CHD1L: variants seen among roughly 807,000 people sequenced by gnomAD.
CHD1L encodes the protein chromodomain helicase DNA binding protein 1 like, also known as ATP-dependent chromatin remodeler CHD1L.
CHD1L carries 118 observed loss-of-function variants against 115.9 expected under a neutral mutation model. The observed-to-expected ratio is 1.02, with a 90% confidence interval of 0.88 to 1.19. The LOEUF (loss-of-function observed/expected upper bound fraction) is 1.19, where lower values mean the gene tolerates loss of function less well. CHD1L is among the 50% of genes most tolerant of loss of function. The pLI is 0.00. For synonymous variants in CHD1L, 411 were observed against 387.1 expected (o/e 1.06, Z -0.72); for missense variants, 1,179 against 1,065.3 (o/e 1.11, Z -1.49).
At chr1:147,193,084 G>C in the CHD1L span, among the ~76,000 whole-genome samples, 1 of 152,260 alleles carries the variant, frequency 6.6e-6, no homozygotes, top group South Asian at 2.1e-4. Context: ...AGAAGGAATG[G>C]TACCAGCTCC....
At chr1:147,260,067 CCT>C (rs1421030974) in intron 6 of CHD1L, 149 bp downstream of exon 6, 12 of 568,386 alleles carry the variant, frequency 2.1e-5, no homozygotes, top group Middle Eastern at 4.8e-4. Flanking sequence ...ACAGCTGTCC[CCT>C]GTCCCCACAC....
At chr1:147,199,227 A>C in the CHD1L span, among the ~76,000 whole-genome samples, 1 of 145,316 alleles carries the variant, frequency 6.9e-6, no homozygotes, top group African/African-American at 2.4e-5. Flanking sequence ...TGTTGGGCAG[A>C]CATGAAAAAA....
intron 4 of CHD1L, 99 bp downstream of exon 4, chr1:147,256,026 C>G (rs1669999950): frequency 2.8e-6 from 2 of 707,234 alleles, no homozygotes; most frequent in Non-Finnish European, 4.5e-6. Flanking sequence ...AGAGCACACA[C>G]TTTTCTGGGC....
Position 147,295,446 on chromosome 1 carries a change from A to G in CHD1L, c.2631A>G (p.Arg877=). 14 of 1,610,444 alleles carry G rather than the reference A, an allele frequency of 8.7e-6. No homozygotes were observed. The highest frequency in any genetic ancestry group is 1.2e-5 in the Non-Finnish European group (14 of 1,177,498). Residue 877 remains arginine, a synonymous_variant, in exon 23 of 23, where the codon AGA becomes AGG. Coordinates refer to ENST00000369258, the MANE Select transcript of CHD1L (RefSeq NM_004284.6). ...GIPTYIYYFP[R]SKSAVLHSQS... is the part of the protein sequence containing the mutation. Reference sequence around the variant, plus strand: ...TCCTTATCAGATATTATTTTCCTAGAAGCAAGTCTGCTGTCCTTCATTCAC... The same window carrying G: ...TCCTTATCAGATATTATTTTCCTAGGAGCAAGTCTGCTGTCCTTCATTCAC...
intron 20 of CHD1L, 62 bp downstream of exon 20, chr1:147,291,614 G>A: frequency 7.3e-7 from 1 of 1,372,058 alleles, no homozygotes; most frequent in Non-Finnish European, 1.0e-6. Flanking sequence ...CTCTTGAAGT[G>A]TCCCCTGCCC....
rs372796148 is a variant in CHD1L, at chr1:147,284,375, G to A, written c.1730G>A (p.Gly577Asp). ...GAAAATCATATGTACTTATTTGAAG[G>A]TAAAGATTATTCTAAAGAGCCCAGT... ...EGKNHMYLFE[G>D]KDYSKEPSKE... Residue 577 changes from glycine to aspartate, a missense_variant, in exon 16 of 23, where the codon GGT (glycine) becomes GAT (aspartate). By Grantham distance (94) the Gly-to-Asp change is moderately conservative (BLOSUM62 -1). Coordinates refer to ENST00000369258, the MANE Select transcript of CHD1L (RefSeq NM_004284.6). 50 of 1,585,998 alleles carry A rather than the reference G, an allele frequency of 3.2e-5. No individual in the cohort carries two copies. Among genetic ancestry groups the A allele is most frequent in the Non-Finnish European group, 4.2e-5 (49 of 1,165,890 alleles).
intron 1 of CHD1L, 94 bp downstream of exon 1, chr1:147,242,924 G>A: frequency 8.2e-7 from 1 of 1,221,516 alleles, no homozygotes; most frequent in Non-Finnish European, 1.0e-6. Context: ...CCGCCCGGTG[G>A]GCAGTTTACC....
At chr1:147,204,407 C>T in the CHD1L span, 2 of 1,136,536 alleles carry the variant, frequency 1.8e-6, no homozygotes, top group Non-Finnish European at 2.7e-6. Flanking sequence ...AGAAATACTT[C>T]ATTACCATAT....
chr1:147,200,587 A>G, the CHD1L span, among the ~76,000 whole-genome samples: 1 of 25,620 alleles, frequency 3.9e-5, no homozygotes, highest in Non-Finnish European at 8.2e-5. Flanking sequence ...TATGAAACCT[A>G]TTCCCCTTTT....
At chr1:147,270,839 A>G (rs1385510601) in intron 10 of CHD1L, 93 bp from the exon 11 acceptor site, 8 of 1,000,594 alleles carry the variant, frequency 8.0e-6, no homozygotes, top group South Asian at 7.9e-5. Flanking sequence ...GTATTTATTT[A>G]TAAACTTTTA....
chr1:147,286,242 C>T, intron 17 of CHD1L, 56 bp from the exon 18 acceptor site: 1 of 1,558,556 alleles, frequency 6.4e-7, no homozygotes, highest in East Asian at 2.3e-5. Flanking sequence ...AAAATGTGCT[C>T]CAAGGGAAAT....
chr1:147,286,486 T>C lies in CHD1L; in HGVS notation c.2207T>C (p.Ile736Thr), dbSNP rs1553966024. The change falls in exon 18 of 23, where the codon ATT (isoleucine) becomes ACT (threonine). Residue 736 changes from isoleucine (I) to threonine (T), a missense_variant. Transcript: ENST00000369258. Reference protein sequence around the residue: ...HPQAGAEDALIVHCVDDSGHW... With the variant: ...HPQAGAEDALTVHCVDDSGHW... ...CAGGCTGGGGCCGAGGATGCTCTCA[T>C]TGTGCACTGCGTAGGTACGAGAAGT... 3.7e-6 allele frequency: 6 copies of C among 1,613,548 alleles called. No homozygotes were observed. The highest frequency in any genetic ancestry group is 4.2e-6 in the Non-Finnish European group (5 of 1,179,956).
chr1:147,276,038 C>A, intron 13 of CHD1L, 66 bp from the exon 14 acceptor site: 1 of 1,496,258 alleles, frequency 6.7e-7, no homozygotes, highest in South Asian at 1.2e-5. Flanking sequence ...ATGTATTTAC[C>A]TTGCATACTT....
At chr1:147,202,600 G>A in the CHD1L span, among the ~76,000 whole-genome samples, 5 of 152,086 alleles carry the variant, frequency 3.3e-5, no homozygotes, top group East Asian at 7.7e-4. Context: ...TTACAGGCGT[G>A]AGCCACAGCA....
At chr1:147,253,685 A>G (rs1289254053) in intron 2 of CHD1L, among the ~76,000 whole-genome samples, 1 of 152,126 alleles carries the variant, frequency 6.6e-6, no homozygotes, top group African/African-American at 2.4e-5. Flanking sequence ...TTTTGTAGAG[A>G]TGAGGTCTCA....
chr1:147,178,504 C>G, the CHD1L span: 2 of 1,611,504 alleles, frequency 1.2e-6, no homozygotes, highest in East Asian at 2.2e-5. Context: ...CCTGAAGAAG[C>G]AGGCAGGCCC....
the CHD1L span, among the ~76,000 whole-genome samples, chr1:147,220,892 T>C: frequency 2.0e-5 from 3 of 151,108 alleles, no homozygotes; most frequent in East Asian, 5.8e-4. Context: ...TTGTGGCATA[T>C]ATTGAATGCT....
the CHD1L span, among the ~76,000 whole-genome samples, chr1:147,194,349 C>T: frequency 3.1e-4 from 47 of 151,844 alleles, no homozygotes; most frequent in South Asian, 4.1e-3. Flanking sequence ...TTTTTGTTTT[C>T]GATTTGCTTG....
chr1:147,292,611 C>T (rs944391246), intron 20 of CHD1L, among the ~76,000 whole-genome samples: 3 of 152,212 alleles, frequency 2.0e-5, no homozygotes, highest in African/African-American at 4.8e-5. Flanking sequence ...GCATGCTGTA[C>T]AGGAAGCCTG....
Sources: allele counts gnomAD v4.1 joint callset (sites outside exome capture counted in the v4.1 genomes callset), GRCh38; gene constraint gnomAD v4.1.1; transcripts MANE v1.5; gene names NCBI Gene and HGNC (gene_info 2026-07-23, HGNC 2026-07-21).